Variants in RBPJ observed in about 807,000 individuals in gnomAD.
RBPJ encodes the protein recombining binding protein suppressor of hairless.
RBPJ carries 9 observed loss-of-function variants against 67.8 expected under a neutral mutation model. The ratio of observed to expected loss-of-function variants is 0.13; its 90% confidence interval spans 0.08 to 0.23. The LOEUF (loss-of-function observed/expected upper bound fraction) is 0.23, where lower values mean the gene tolerates loss of function less well. Among genes scored for constraint, RBPJ ranks in the 10% least tolerant of loss-of-function variants. RBPJ has a pLI of 1.00. For synonymous variants in RBPJ, 198 were observed against 203.3 expected (o/e 0.97, Z 0.22); for missense variants, 305 against 595.6 (o/e 0.51, Z 5.08).
intron 1 of RBPJ, among the ~76,000 whole-genome samples, chr4:26,336,010 G>T (rs568219045): frequency 6.6e-6 from 1 of 152,234 alleles, no homozygotes; most frequent in Non-Finnish European, 1.5e-5. Flanking sequence ...ACCTAATTTT[G>T]TTGTAAATGG....
At chr4:26,281,506 T>C (rs555504718) in intron 1 of RBPJ, among the ~76,000 whole-genome samples, 1 of 152,212 alleles carries the variant, frequency 6.6e-6, no homozygotes, top group African/African-American at 2.4e-5. Flanking sequence ...TCTCGAACTC[T>C]TGACCTCAGG....
intron 1 of RBPJ, among the ~76,000 whole-genome samples, chr4:26,337,715 C>T (rs1490031548): frequency 2.3e-5 from 3 of 130,084 alleles, no homozygotes; most frequent in Admixed American, 8.6e-5. Context: ...AGGACAGGGT[C>T]TCACTCTGTC....
chr4:26,395,130 G>GT (rs1476025802), intron 2 of RBPJ, among the ~76,000 whole-genome samples: 1 of 152,122 alleles, frequency 6.6e-6, no homozygotes. Context: ...TTGCCTCAGA[G>GT]TAAGTAATAA....
chr4:26,419,442 A>C (rs1204533838), intron 4 of RBPJ, among the ~76,000 whole-genome samples: 1 of 152,230 alleles, frequency 6.6e-6, no homozygotes, highest in Admixed American at 6.5e-5. Flanking sequence ...TGAGAAATAC[A>C]ATAAACTATT....
chr4:26,195,930 G>C (rs1156965002), intron 1 of RBPJ, among the ~76,000 whole-genome samples: 2 of 152,078 alleles, frequency 1.3e-5, no homozygotes, highest in African/African-American at 4.8e-5. Context: ...ACTTTTTAGA[G>C]TGTCGTTATT....
At chr4:26,170,895 G>A (rs1716553538) in intron 1 of RBPJ, among the ~76,000 whole-genome samples, 1 of 152,192 alleles carries the variant, frequency 6.6e-6, no homozygotes, top group South Asian at 2.1e-4. Flanking sequence ...CTAAACTGAG[G>A]ATGATAATGC....
chr4:26,130,206 A>T, the RBPJ span, among the ~76,000 whole-genome samples: 2 of 152,182 alleles, frequency 1.3e-5, no homozygotes, highest in African/African-American at 4.8e-5. Context: ...AAGAGGTGGT[A>T]CCTACCTAAA....
chr4:26,314,824 T>C (rs1420219262), upstream of RBPJ, among the ~76,000 whole-genome samples: 5 of 152,246 alleles, frequency 3.3e-5, no homozygotes, highest in Admixed American at 2.6e-4. Context: ...ATAGATGTTA[T>C]ATCCATTTTC....
chr4:26,396,848 A>G lies in RBPJ; in HGVS notation c.60-9327A>G, dbSNP rs539107736. On this transcript the variant is annotated intron_variant, in intron 2 of 10. Coordinates refer to ENST00000355476, the MANE Select transcript of RBPJ (RefSeq NM_015874.6). ...GGTTTGCAGGTGTTTCCTTAGGAACAGGACCTGTACTGTTGTTTAGCTTTG... is the reference window on the plus strand; with the variant it reads ...GGTTTGCAGGTGTTTCCTTAGGAACGGGACCTGTACTGTTGTTTAGCTTTG... 9.1e-4 allele frequency among the ~76,000 whole-genome samples: 139 copies of G among 152,364 alleles called. 1 individual carries two copies. The highest frequency in any genetic ancestry group is 3.2e-3 in the African/African-American group (135 of 41,584).
Position 26,257,813 on chromosome 4 carries a change from A to G in RBPJ, c.-167+94199A>G, listed in dbSNP as rs527741537. 3.9e-5 allele frequency among the ~76,000 whole-genome samples: 6 copies of G among 152,306 alleles called. No homozygotes were observed. The South Asian group carries it at 1.2e-3, about 32-fold the overall frequency. ...ATACTAGTTGGCATAGAGATATTTA[A>G]AGACAGAGGAACCAAAAAGAAGAGA... is the stretch of plus-strand genomic sequence containing the variant. On this transcript the variant is annotated intron_variant, in intron 1 of 4. Transcript: ENST00000512351.
At chr4:26,118,481 C>G in the RBPJ span, among the ~76,000 whole-genome samples, 2 of 152,160 alleles carry the variant, frequency 1.3e-5, no homozygotes, top group South Asian at 2.1e-4. Context: ...CTCTCCAGGA[C>G]TGTAGGCAGG....
Position 26,337,232 on chromosome 4 carries a change from A to G in RBPJ, c.20+16184A>G, listed in dbSNP as rs538131080. Among the ~76,000 whole-genome samples, 262 of 151,934 alleles carry G rather than the reference A, an allele frequency of 1.7e-3. 3 individuals carry two copies. The highest frequency in any genetic ancestry group is 6.2e-3 in the African/African-American group (256 of 41,428). On this transcript the variant is annotated intron_variant, in intron 1 of 10. Coordinates refer to ENST00000355476, the MANE Select transcript of RBPJ (RefSeq NM_015874.6). The stretch of plus-strand genomic sequence containing the variant: ...GTCGTCCTCCTGCCTTGGCCTCCCA[A>G]AGTGCTGGGATTACAGACGTGAGCC...
chr4:26,150,277 T>G, the RBPJ span, among the ~76,000 whole-genome samples: 3 of 152,088 alleles, frequency 2.0e-5, no homozygotes, highest in Admixed American at 2.0e-4. Context: ...TACCTAATCA[T>G]CAGATGCATC....
At chr4:26,395,870 A>G (rs1189521082) in intron 2 of RBPJ, among the ~76,000 whole-genome samples, 1 of 152,190 alleles carries the variant, frequency 6.6e-6, no homozygotes, top group Non-Finnish European at 1.5e-5. Flanking sequence ...TTCCCTATCC[A>G]TAGCATGTAA....
intron 1 of RBPJ, among the ~76,000 whole-genome samples, chr4:26,195,147 T>A (rs1369493402): frequency 6.6e-6 from 1 of 152,148 alleles, no homozygotes; most frequent in Non-Finnish European, 1.5e-5. Flanking sequence ...GGTGGGAGGA[T>A]CCCTTGAAGC....
At chr4:26,414,776 A>G (rs1030401942) in intron 3 of RBPJ, among the ~76,000 whole-genome samples, 14 of 152,336 alleles carry the variant, frequency 9.2e-5, no homozygotes, top group Admixed American at 8.5e-4. Context: ...TTTGACAACT[A>G]GCAAAACAAA....
At chr4:26,293,645 A>T (rs1721750719) in intron 1 of RBPJ, among the ~76,000 whole-genome samples, 1 of 150,740 alleles carries the variant, frequency 6.6e-6, no homozygotes, top group African/African-American at 2.4e-5. Context: ...CCAAAATAAG[A>T]AATAAAAAAA....
the RBPJ span, among the ~76,000 whole-genome samples, chr4:26,143,516 G>A: frequency 6.6e-6 from 1 of 152,184 alleles, no homozygotes; most frequent in African/African-American, 2.4e-5. Flanking sequence ...AAAAGAGATG[G>A]GTTTTTCTTT....
At chr4:26,328,041 A>G (rs1277483896) in intron 1 of RBPJ, among the ~76,000 whole-genome samples, 1 of 152,002 alleles carries the variant, frequency 6.6e-6, no homozygotes, top group East Asian at 1.9e-4. Context: ...GAACAAAGGT[A>G]TATGTTCCCT....
Sources: allele counts gnomAD v4.1 joint callset (sites outside exome capture counted in the v4.1 genomes callset), GRCh38; gene constraint gnomAD v4.1.1; transcripts MANE v1.5; gene names NCBI Gene and HGNC (gene_info 2026-07-23, HGNC 2026-07-21).